PKIG: variants seen among roughly 807,000 people sequenced by gnomAD.
PKIG encodes the protein protein kinase (cAMP-dependent, catalytic) inhibitor gamma.
PKIG carries 1 observed loss-of-function variant against 6.8 expected under a neutral mutation model. The ratio of observed to expected loss-of-function variants is 0.15; its 90% CI spans 0.05 to 0.69. The LOEUF (loss-of-function observed/expected upper bound fraction) is 0.69. PKIG is among the 30% of genes least tolerant of loss of function. PKIG has a pLI of 0.82. For synonymous variants in PKIG, 39 were observed against 43.0 expected, an observed-to-expected ratio of 0.91 and a Z score of 0.36; for missense variants, 77 against 104.0, an observed-to-expected ratio of 0.74 and a Z score of 1.13.
At chr20:44,569,560 T>C (rs952744926) in intron 1 of PKIG, among the ~76,000 whole-genome samples, 3 of 152,230 alleles carry the variant, frequency 2.0e-5, no homozygotes, top group Admixed American at 6.5e-5. Flanking sequence ...AAATAAAATA[T>C]ACATAAACAT....
At chr20:44,574,216 G>A (rs1044892972) in intron 1 of PKIG, among the ~76,000 whole-genome samples, 4 of 152,094 alleles carry the variant, frequency 2.6e-5, no homozygotes, top group Admixed American at 6.6e-5. Context: ...AAAACCATCT[G>A]TTCCCTGCCC....
chr20:44,568,259 T>A (rs1456870536), intron 1 of PKIG, among the ~76,000 whole-genome samples: 1 of 152,234 alleles, frequency 6.6e-6, no homozygotes, highest in Non-Finnish European at 1.5e-5. Context: ...ACTTTTCGTA[T>A]TTTTTCTTTT....
At chr20:44,595,599 C>T (rs1416432950) in intron 2 of PKIG, among the ~76,000 whole-genome samples, 7 of 152,132 alleles carry the variant, frequency 4.6e-5, no homozygotes, top group Admixed American at 3.3e-4. Context: ...CTGCAACCTC[C>T]GCCTCCTGGG....
chr20:44,579,688 G>A (rs2064930793), upstream of PKIG, among the ~76,000 whole-genome samples: 1 of 152,362 alleles, frequency 6.6e-6, no homozygotes, highest in Admixed American at 6.5e-5. Flanking sequence ...GAATGTGCCA[G>A]TGTTGCTATG....
intron 2 of PKIG, among the ~76,000 whole-genome samples, chr20:44,610,556 C>T (rs769119670): frequency 2.6e-5 from 4 of 151,162 alleles, no homozygotes; most frequent in Admixed American, 1.3e-4. Flanking sequence ...CTCAACCCCA[C>T]CCTGGGTGCC....
At chr20:44,579,740 C>T (rs75862181), upstream of PKIG, among the ~76,000 whole-genome samples, 2,772 of 152,254 alleles carry the variant, frequency 0.018, 89 homozygotes, top group African/African-American at 0.064. Context: ...AGAATTATTC[C>T]GTTCACAAGG....
At chr20:44,532,190 T>A (rs2064472655) in intron 1 of PKIG, among the ~76,000 whole-genome samples, 1 of 152,306 alleles carries the variant, frequency 6.6e-6, no homozygotes, top group East Asian at 1.9e-4. Context: ...GTTTATTATA[T>A]TTGTAGCCAT....
upstream of PKIG, among the ~76,000 whole-genome samples, chr20:44,580,353 T>C (rs2064937266): frequency 6.6e-6 from 1 of 151,728 alleles, no homozygotes; most frequent in South Asian, 2.1e-4. Flanking sequence ...TTTTGTTTTT[T>C]GTTTTTTTTT....
chr20:44,608,239 AAGG>A (rs1323584747), intron 2 of PKIG, among the ~76,000 whole-genome samples: 2 of 152,254 alleles, frequency 1.3e-5, no homozygotes, highest in Non-Finnish European at 2.9e-5. Flanking sequence ...TCACTATAAA[AAGG>A]AAATATAACA....
intron 1 of PKIG, among the ~76,000 whole-genome samples, chr20:44,542,647 C>T (rs2064572635): frequency 1.3e-5 from 2 of 151,886 alleles, no homozygotes; most frequent in African/African-American, 2.4e-5. Context: ...AGTGCAGTGG[C>T]GTAATCTTGG....
chr20:44,534,567 C>A (rs542813197), intron 1 of PKIG, among the ~76,000 whole-genome samples: 3 of 151,704 alleles, frequency 2.0e-5, no homozygotes, highest in African/African-American at 7.3e-5. Context: ...CTCCTGTGCT[C>A]AAGCGATCCA....
chr20:44,553,351 A>C (rs1412865600), intron 1 of PKIG, among the ~76,000 whole-genome samples: 3 of 152,198 alleles, frequency 2.0e-5, no homozygotes, highest in Non-Finnish European at 4.4e-5. Flanking sequence ...CTGAGAGGTT[A>C]GACAAGTGCC....
chr20:44,573,550 G>A (rs988976491), intron 1 of PKIG, among the ~76,000 whole-genome samples: 3 of 152,210 alleles, frequency 2.0e-5, no homozygotes, highest in African/African-American at 7.2e-5. Context: ...TTTATGTAAA[G>A]GTACTTTCTG....
At chr20:44,557,517 T>G (rs1424534793) in intron 1 of PKIG, among the ~76,000 whole-genome samples, 14 of 74,444 alleles carry the variant, frequency 1.9e-4, no homozygotes, top group Non-Finnish European at 2.1e-4. Flanking sequence ...AGGTGACAGG[T>G]GACAAAAAAA....
chr20:44,614,646 A>G lies in PKIG; in HGVS notation c.90A>G (p.Ser30=). ...RNAVPDIQGD[S]EAVSVRKLAG... is the part of the protein sequence containing the mutation. ...CGGTCCCTGACATCCAGGGAGACTC[A>G]GAGGCTGTGAGCGTGAGGAAGCTGG... Residue 30 remains serine (S), a synonymous_variant, in exon 3 of 4, where the codon TCA becomes TCG. Transcript: ENST00000372886. The surrounding 1 kb of genome is among the most constrained non-coding windows in gnomAD (Gnocchi z 4.6). 1.2e-6 allele frequency: 2 copies of G among 1,614,030 alleles called. No homozygotes were observed. Among genetic ancestry groups the G allele is most frequent in the South Asian group, 2.2e-5 (2 of 91,090 alleles).
At chr20:44,566,578 G>A (rs900601812) in intron 1 of PKIG, among the ~76,000 whole-genome samples, 1 of 152,060 alleles carries the variant, frequency 6.6e-6, no homozygotes, top group Non-Finnish European at 1.5e-5. Flanking sequence ...GGGCATGGTG[G>A]CTCATGCCTG....
At chr20:44,581,727 A>C (rs938445119), upstream of PKIG, among the ~76,000 whole-genome samples, 7 of 152,166 alleles carry the variant, frequency 4.6e-5, no homozygotes, top group Non-Finnish European at 1.0e-4. Flanking sequence ...GAATCTGTTC[A>C]TCTCCTTCAT....
intron 1 of PKIG, among the ~76,000 whole-genome samples, chr20:44,583,434 C>T (rs372844675): frequency 6.6e-5 from 10 of 152,288 alleles, no homozygotes; most frequent in East Asian, 1.9e-4. Context: ...ACTAAGCAAG[C>T]TACTCTGTAG....
At chr20:44,548,134 G>A (rs771768523) in intron 1 of PKIG, among the ~76,000 whole-genome samples, 20 of 152,130 alleles carry the variant, frequency 1.3e-4, no homozygotes, top group African/African-American at 4.3e-4. Flanking sequence ...AGCCGAGATC[G>A]CACAACTGCA....
Sources: gnomAD v4.1 joint callset for allele counts (sites outside exome capture counted in the v4.1 genomes callset) on GRCh38, gnomAD v4.1.1 for gene constraint, Gnocchi (gnomAD v3.1) non-coding constraint, MANE v1.5 for transcripts, NCBI Gene and HGNC (gene_info 2026-07-23, HGNC 2026-07-21) for gene names.